FGFR1OP2: variants seen among roughly 807,000 people sequenced by gnomAD.
FGFR1OP2 encodes the protein FGFR1 oncogene partner 2.
A neutral mutation model predicts 35.2 loss-of-function variants in FGFR1OP2; 17 were observed. That is an observed-to-expected ratio of 0.48 (90% CI 0.33 to 0.73). The LOEUF is 0.73. FGFR1OP2 is among the 30% of genes least tolerant of loss of function. The pLI is 0.02. For missense variants in FGFR1OP2, 251 were observed against 307.3 expected, an observed-to-expected ratio of 0.82 and a Z score of 1.37; for synonymous variants, 105 against 104.6, an observed-to-expected ratio of 1.00 and a Z score of -0.03.
chr12:26,946,549 A>T lies in FGFR1OP2; in HGVS notation c.-14-7596A>T, dbSNP rs115508781. Among the ~76,000 whole-genome samples the T allele has an allele frequency of 5.8e-3, 888 of 152,286 alleles. 7 individuals carry two copies. Among genetic ancestry groups the T allele is most frequent in the African/African-American group, 0.021 (861 of 41,552 alleles). Reference sequence around the variant, plus strand: ...CTGTTCTGGAACCCCTGGCTTCATGATCTGCCAGCCTTGGCCTCCCAAAGT... The same window carrying T: ...CTGTTCTGGAACCCCTGGCTTCATGTTCTGCCAGCCTTGGCCTCCCAAAGT... On this transcript the variant is annotated intron_variant, in intron 1 of 6. Coordinates refer to ENST00000229395, the MANE Select transcript of FGFR1OP2 (RefSeq NM_015633.3).
chr12:26,964,946 T>G lies in FGFR1OP2; in HGVS notation c.*213T>G. 1 of 456,440 alleles carries G rather than the reference T, an allele frequency of 2.2e-6. No individual in the cohort carries two copies. Among genetic ancestry groups the G allele is most frequent in the Non-Finnish European group, 3.8e-6 (1 of 264,280 alleles). The allele number at this position is 456,440 out of a possible 1,614,324, so 28.3% of individuals were successfully genotyped here. A position where few individuals can be genotyped will look rare whatever the true frequency, so the allele number is the denominator to read the frequency against. Reference sequence around the variant, plus strand: ...TAGAAACTGAGCCATTGCCAAATGGTAAAGAAATGAAAAGTTTTCACAGTG... The same window carrying G: ...TAGAAACTGAGCCATTGCCAAATGGGAAAGAAATGAAAAGTTTTCACAGTG... On this transcript the variant is annotated 3_prime_UTR_variant, in exon 7 of 7. Coordinates refer to ENST00000229395, the MANE Select transcript of FGFR1OP2 (RefSeq NM_015633.3).
intron 3 of FGFR1OP2, 33 bp downstream of exon 3, chr12:26,956,693 T>C: frequency 7.7e-7 from 1 of 1,296,232 alleles, no homozygotes. Flanking sequence ...ATTAATCCCA[T>C]TTCTAGTCTA....
chr12:26,944,898 G>C (rs923726043), intron 1 of FGFR1OP2, among the ~76,000 whole-genome samples: 1 of 151,968 alleles, frequency 6.6e-6, no homozygotes, highest in Non-Finnish European at 1.5e-5. Context: ...AATTATAATA[G>C]GATTATTCAT....
rs1352485108 is a variant in FGFR1OP2, at chr12:26,964,842, C to T, written c.*109C>T. On this transcript the variant is annotated 3_prime_UTR_variant, in exon 7 of 7. Transcript: ENST00000229395. ...TTATTTTTTTCTCTGTAAATATGTA[C>T]AGTGCACGGGCTATGAGATAGCAAC... 9.0e-6 allele frequency: 11 copies of T among 1,219,778 alleles called. No individual in the cohort carries two copies. The highest frequency in any genetic ancestry group is 3.5e-6 in the Non-Finnish European group (3 of 865,964). The allele number at this position is 1,219,778 out of a possible 1,614,324, so 75.6% of individuals were successfully genotyped here.
At chr12:26,938,767 T>TGCCGGGGCAGTCCTTC (rs1462162810) in intron 1 of FGFR1OP2, 57 bp downstream of exon 1, 1 of 152,264 alleles carries the variant, frequency 6.6e-6, no homozygotes, top group East Asian at 1.9e-4. Context: ...AGGCGTCCTT[T>TGCCGGGGCAGTCCTTC]GCCGGGGCAG....
intron 1 of FGFR1OP2, among the ~76,000 whole-genome samples, chr12:26,950,262 C>T (rs1278981995): frequency 1.8e-5 from 2 of 108,530 alleles, no homozygotes; most frequent in African/African-American, 7.5e-5. Context: ...CGTTCTGTCA[C>T]CCAGGCTGGA....
At chr12:26,946,784 G>A (rs140300745) in intron 1 of FGFR1OP2, among the ~76,000 whole-genome samples, 340 of 152,082 alleles carry the variant, frequency 2.2e-3, no homozygotes, top group African/African-American at 7.2e-3. Context: ...CATTTTTCCC[G>A]CGCAAAAAGA....
intron 1 of FGFR1OP2, among the ~76,000 whole-genome samples, chr12:26,940,441 C>T (rs1446233729): frequency 6.6e-6 from 1 of 152,128 alleles, no homozygotes; most frequent in Non-Finnish European, 1.5e-5. Context: ...TCACATACAG[C>T]GATGTGCCTT....
At position 26,957,424 on chromosome 12, in the gene FGFR1OP2, A is replaced by G. The variant is rs112325643; in HGVS notation, c.254-177A>G. On this transcript the variant is annotated intron_variant, in intron 3 of 6. Coordinates refer to ENST00000229395, the MANE Select transcript of FGFR1OP2 (RefSeq NM_015633.3). ...AAATGATTCTCAAGAAACAAGCTTA[A>G]AATATTCAAAAAACTAATACGGGAC... 3.9e-5 allele frequency among the ~76,000 whole-genome samples: 6 copies of G among 152,366 alleles called. 1 individual carries two copies. The highest frequency in any genetic ancestry group is 1.4e-4 in the African/African-American group (6 of 41,584).
intron 1 of FGFR1OP2, among the ~76,000 whole-genome samples, chr12:26,950,213 G>GTGTTTTTTT (rs1325830058): frequency 5.9e-5 from 3 of 50,934 alleles, no homozygotes; most frequent in African/African-American, 2.4e-4. Context: ...TGTATTCGTT[G>GTGTTTTTTT]TTTTTTTTTT....
At chr12:26,956,736 T>G in intron 3 of FGFR1OP2, 76 bp downstream of exon 3, 2 of 731,536 alleles carry the variant, frequency 2.7e-6, no homozygotes, top group African/African-American at 1.8e-5. Context: ...CTCTTTATCC[T>G]GTCCCACATA....
intron 1 of FGFR1OP2, among the ~76,000 whole-genome samples, chr12:26,950,221 T>G (rs929676242): frequency 1.9e-5 from 2 of 107,624 alleles, no homozygotes; most frequent in African/African-American, 7.6e-5. Context: ...TTGTTTTTTT[T>G]TTTTTTTTTT....
At chr12:26,950,086 A>C (rs1031766489) in intron 1 of FGFR1OP2, among the ~76,000 whole-genome samples, 1 of 152,100 alleles carries the variant, frequency 6.6e-6, no homozygotes, top group Admixed American at 6.6e-5. Flanking sequence ...CATTTAGTCA[A>C]AGCATCCCGC....
chr12:26,951,388 TG>T (rs1205035540), intron 1 of FGFR1OP2, among the ~76,000 whole-genome samples: 3 of 152,156 alleles, frequency 2.0e-5, no homozygotes, highest in African/African-American at 7.2e-5. Flanking sequence ...GGTGCAATTT[TG>T]GCTCACTACA....
chr12:26,957,601 A>T lies in FGFR1OP2; in HGVS notation c.254A>T (p.Glu85Val). The change falls in exon 4 of 7, where the codon GAA becomes GTA. Residue 85 changes from glutamate to valine, a missense_variant and splice_region_variant. By Grantham distance (121) the Glu-to-Val change is moderately radical. Coordinates refer to ENST00000229395, the MANE Select transcript of FGFR1OP2 (RefSeq NM_015633.3). ...QIRELQQENK[E>V]LRTSLEEHQS... ...TAAAATACAATATTATTCTTGATAG[A>T]ATTACGTACATCTCTGGAAGAACAT... is the stretch of plus-strand genomic sequence containing the variant. 1 of 1,609,972 alleles carries T rather than the reference A, an allele frequency of 6.2e-7. No individual in the cohort carries two copies. The highest frequency in any genetic ancestry group is 2.2e-5 in the East Asian group (1 of 44,770).
chr12:26,955,723 T>C (rs1441879839), intron 2 of FGFR1OP2, among the ~76,000 whole-genome samples: 1 of 152,270 alleles, frequency 6.6e-6, no homozygotes, highest in Non-Finnish European at 1.5e-5. Flanking sequence ...ATTCATCAGC[T>C]GATAGGCATT....
intron 3 of FGFR1OP2, 21 bp from the exon 4 acceptor site, chr12:26,957,580 A>C: frequency 6.3e-7 from 1 of 1,598,236 alleles, no homozygotes; most frequent in African/African-American, 1.4e-5. Context: ...TTGGAATAAA[A>C]TACAATATTA....
At position 26,965,927 on chromosome 12, in the gene FGFR1OP2, A is replaced by G. The variant is rs1939170756; in HGVS notation, c.*1194A>G. On this transcript the variant is annotated 3_prime_UTR_variant, in exon 7 of 7. Coordinates refer to ENST00000229395, the MANE Select transcript of FGFR1OP2 (RefSeq NM_015633.3). ...TCTTATGTTGTGGTGATTGTATTAA[A>G]AAGGGATAAAAGAAGAGTGTCAAAC... 6.6e-6 allele frequency: 1 copy of G among 152,106 alleles called. No homozygotes were observed. The highest frequency in any genetic ancestry group is 2.4e-5 in the African/African-American group (1 of 41,456). 9.4% of individuals were successfully genotyped at this position (152,106 alleles called of 1,614,324 possible). A position where few individuals can be genotyped will look rare whatever the true frequency, so the allele number is the denominator to read the frequency against.
At chr12:26,963,489 G>A in intron 6 of FGFR1OP2, 34 bp downstream of exon 6, 1 of 1,380,790 alleles carries the variant, frequency 7.2e-7, no homozygotes, top group South Asian at 1.2e-5. Flanking sequence ...GATGAAAACT[G>A]TCCATATAAA....
Sources: gnomAD v4.1 joint callset for allele counts (sites outside exome capture counted in the v4.1 genomes callset) on GRCh38, gnomAD v4.1.1 for gene constraint, MANE v1.5 for transcripts, NCBI Gene and HGNC (gene_info 2026-07-23, HGNC 2026-07-21) for gene names.